RAI14: variants seen among roughly 807,000 people sequenced by gnomAD.
The protein encoded by RAI14 is retinoic acid induced 14.
RAI14 carries 45 observed loss-of-function variants against 115.4 expected under a neutral mutation model. That is an observed-to-expected ratio of 0.39 (90% confidence interval 0.31 to 0.50). The LOEUF (loss-of-function observed/expected upper bound fraction) is 0.50. Among genes scored for constraint, RAI14 ranks in the 20% least tolerant of loss-of-function variants. RAI14 has a pLI of 0.85. For synonymous variants in RAI14, 371 were observed against 415.4 expected (o/e 0.89, Z 1.30); for missense variants, 939 against 1,131.2 (o/e 0.83, Z 2.44).
At chr5:34,717,198 T>C (rs2149982558) in intron 2 of RAI14, among the ~76,000 whole-genome samples, 1 of 152,296 alleles carries the variant, frequency 6.6e-6, no homozygotes, top group South Asian at 2.1e-4. Context: ...ATTTTAAGAC[T>C]ATTTATTTTA....
chr5:34,813,540 C>T, intron 10 of RAI14, 34 bp from the exon 11 acceptor site: 1 of 1,523,612 alleles, frequency 6.6e-7, no homozygotes, highest in Admixed American at 1.7e-5. Flanking sequence ...CCAAACTAAC[C>T]CACCTCCATT....
intron 2 of RAI14, among the ~76,000 whole-genome samples, chr5:34,747,131 T>C (rs546085076): frequency 6.6e-6 from 1 of 152,324 alleles, no homozygotes; most frequent in South Asian, 2.1e-4. Flanking sequence ...CTAATACAGT[T>C]CCCTCCTTCA....
chr5:34,815,494 C>T (rs1756122506), intron 12 of RAI14, among the ~76,000 whole-genome samples: 2 of 152,142 alleles, frequency 1.3e-5, no homozygotes, highest in South Asian at 4.1e-4. Context: ...ACCCAGGAGG[C>T]AGAGGTTGCA....
intron 1 of RAI14, among the ~76,000 whole-genome samples, chr5:34,671,636 A>G (rs1363112679): frequency 2.6e-5 from 4 of 152,212 alleles, no homozygotes; most frequent in African/African-American, 9.7e-5. Flanking sequence ...TGGCCACAAT[A>G]AAAAGTTTTT....
At chr5:34,717,831 G>C (rs1421167666) in intron 2 of RAI14, among the ~76,000 whole-genome samples, 1 of 151,250 alleles carries the variant, frequency 6.6e-6, no homozygotes, top group African/African-American at 2.4e-5. Flanking sequence ...CATGAGCACA[G>C]ATCCGGCTCC....
intron 3 of RAI14, among the ~76,000 whole-genome samples, chr5:34,759,968 T>C (rs1748406187): frequency 6.6e-6 from 1 of 152,178 alleles, no homozygotes; most frequent in African/African-American, 2.4e-5. Flanking sequence ...TGGTTTGCAA[T>C]CTTGGCAGCT....
At chr5:34,797,073 T>C (rs1295074543) in intron 4 of RAI14, among the ~76,000 whole-genome samples, 1 of 152,204 alleles carries the variant, frequency 6.6e-6, no homozygotes, top group East Asian at 1.9e-4. Flanking sequence ...GTCTCCAGCC[T>C]GGGATTCTGC....
intron 2 of RAI14, among the ~76,000 whole-genome samples, chr5:34,725,723 T>C (rs1044057192): frequency 3.9e-5 from 6 of 151,938 alleles, no homozygotes; most frequent in Non-Finnish European, 8.8e-5. Context: ...CCCAGCACTT[T>C]GGGAGGCTGA....
At chr5:34,822,359 A>T (rs893956343) in intron 14 of RAI14, among the ~76,000 whole-genome samples, 2 of 150,414 alleles carry the variant, frequency 1.3e-5, no homozygotes, top group Non-Finnish European at 3.0e-5. Context: ...TAAGAAGAAG[A>T]AATAGCTGTA....
intron 4 of RAI14, among the ~76,000 whole-genome samples, chr5:34,801,190 T>C (rs1754215264): frequency 6.6e-6 from 1 of 152,284 alleles, no homozygotes; most frequent in African/African-American, 2.4e-5. Flanking sequence ...TTCATCCTCC[T>C]CCTTTTGGGA....
chr5:34,664,770 C>G (rs1336263849), intron 1 of RAI14, among the ~76,000 whole-genome samples: 1 of 151,352 alleles, frequency 6.6e-6, no homozygotes, highest in Non-Finnish European at 1.5e-5. Flanking sequence ...ATCCCTCACT[C>G]CCTTCCCACC....
At chr5:34,712,868 G>A (rs896316885) in intron 2 of RAI14, among the ~76,000 whole-genome samples, 1 of 152,058 alleles carries the variant, frequency 6.6e-6, no homozygotes, top group Non-Finnish European at 1.5e-5. Context: ...ATGCCATGCG[G>A]TATTATTTTT....
At chr5:34,776,105 T>G (rs1306022622) in intron 3 of RAI14, among the ~76,000 whole-genome samples, 1 of 152,130 alleles carries the variant, frequency 6.6e-6, no homozygotes, top group African/African-American at 2.4e-5. Flanking sequence ...AAGAATGAGA[T>G]CCTGTCATTT....
chr5:34,663,986 A>G (rs113685305), intron 1 of RAI14, among the ~76,000 whole-genome samples: 2,048 of 152,250 alleles, frequency 0.013, 21 homozygotes, highest in Middle Eastern at 0.068. Flanking sequence ...ACTGGAAATT[A>G]GTCTTGCCGT....
At chr5:34,825,839 A>G (rs113476368) in intron 15 of RAI14, among the ~76,000 whole-genome samples, 18,958 of 152,108 alleles carry the variant, frequency 0.12, 1,664 homozygotes, top group South Asian at 0.18. Context: ...CCAGGGGAAC[A>G]GGGATTAGGG....
chr5:34,748,728 G>A (rs1480403297), intron 2 of RAI14, among the ~76,000 whole-genome samples: 1 of 151,998 alleles, frequency 6.6e-6, no homozygotes, highest in Non-Finnish European at 1.5e-5. Context: ...TTGGAAGGCT[G>A]AGGTGGGAGG....
At chr5:34,659,809 G>T (rs1742555795) in intron 1 of RAI14, among the ~76,000 whole-genome samples, 1 of 152,134 alleles carries the variant, frequency 6.6e-6, no homozygotes, top group Non-Finnish European at 1.5e-5. Flanking sequence ...GACTAAAAAA[G>T]TGAAACTGAT....
rs1376820095 is a variant in RAI14, at chr5:34,810,993, A to G, written c.451-19A>G. ...ATTTTGTGCCTGAGGTAAAATCTAA[A>G]TCTGAATTTGTCTCCTAGGATGGGA... On this transcript the variant is annotated intron_variant, in intron 7 of 17. Transcript: ENST00000265109. 1 of 1,610,702 alleles carries G rather than the reference A, an allele frequency of 6.2e-7. No individual in the cohort carries two copies. The highest frequency in any genetic ancestry group is 1.1e-5 in the South Asian group (1 of 89,800).
chr5:34,709,927 G>A (rs1260243857), intron 2 of RAI14, among the ~76,000 whole-genome samples: 17 of 152,184 alleles, frequency 1.1e-4, no homozygotes, highest in Non-Finnish European at 2.2e-4. Context: ...AAACCATCCC[G>A]AAGAAAAGCA....
Sources: allele counts gnomAD v4.1 joint callset (sites outside exome capture counted in the v4.1 genomes callset), GRCh38; gene constraint gnomAD v4.1.1; transcripts MANE v1.5; gene names NCBI Gene and HGNC (gene_info 2026-07-23, HGNC 2026-07-21).